CALCR: variants seen among roughly 807,000 people sequenced by gnomAD.
The protein encoded by CALCR is calcitonin receptor.
A neutral mutation model predicts 59.5 loss-of-function variants in CALCR; 47 were observed. The ratio of observed to expected loss-of-function variants is 0.79; its 90% CI spans 0.63 to 1.01. CALCR has a LOEUF of 1.01. CALCR is among the 50% of genes least tolerant of loss of function. The pLI, the probability that CALCR is intolerant of heterozygous loss-of-function variation, is 0.00. For missense variants in CALCR, 566 were observed against 597.1 expected (o/e 0.95, Z 0.54); for synonymous variants, 213 against 211.3 (o/e 1.01, Z -0.07).
intron 2 of CALCR, among the ~76,000 whole-genome samples, chr7:93,529,064 T>A (rs541544236): frequency 2.6e-4 from 39 of 152,340 alleles, no homozygotes; most frequent in African/African-American, 9.4e-4. Context: ...CATCTGGACA[T>A]ATGATAAATA....
At chr7:93,559,146 T>C (rs766985939) in intron 2 of CALCR, among the ~76,000 whole-genome samples, 26 of 152,204 alleles carry the variant, frequency 1.7e-4, no homozygotes, top group Non-Finnish European at 3.8e-4. Context: ...TTTGAGAAAA[T>C]ATGGTAAGAC....
intron 2 of CALCR, among the ~76,000 whole-genome samples, chr7:93,561,514 G>A (rs963285127): frequency 6.6e-6 from 1 of 151,834 alleles, no homozygotes; most frequent in East Asian, 1.9e-4. Flanking sequence ...GGGACATAGG[G>A]TTAAGAAATT....
chr7:93,496,016 G>T, intron 2 of CALCR: 1 of 1,100,194 alleles, frequency 9.1e-7, no homozygotes, highest in Non-Finnish European at 1.3e-6. Context: ...CAATGATAAT[G>T]ATTGAACAGA....
chr7:93,490,961 C>G (rs755083440), intron 2 of CALCR, among the ~76,000 whole-genome samples: 5 of 151,856 alleles, frequency 3.3e-5, no homozygotes, highest in African/African-American at 1.2e-4. Flanking sequence ...CAGTCCTAAG[C>G]AAAAAGAACA....
At chr7:93,502,055 C>A (rs1801330645) in intron 2 of CALCR, among the ~76,000 whole-genome samples, 1 of 152,018 alleles carries the variant, frequency 6.6e-6, no homozygotes, top group Non-Finnish European at 1.5e-5. Context: ...TCCTTCTTGG[C>A]TGATACACAA....
chr7:93,456,973 T>C (rs1250206362), intron 8 of CALCR, among the ~76,000 whole-genome samples: 2 of 152,114 alleles, frequency 1.3e-5, no homozygotes, highest in African/African-American at 2.4e-5. Context: ...ATGGGGTTTA[T>C]TAAAGGTTAC....
At chr7:93,481,163 T>A (rs951208228) in intron 3 of CALCR, among the ~76,000 whole-genome samples, 7 of 151,850 alleles carry the variant, frequency 4.6e-5, no homozygotes, top group Admixed American at 1.3e-4. Context: ...GTCAGGGACA[T>A]GAAAGGTTCA....
intron 2 of CALCR, among the ~76,000 whole-genome samples, chr7:93,506,581 G>A (rs545957717): frequency 5.9e-5 from 9 of 151,528 alleles, no homozygotes; most frequent in East Asian, 1.9e-4. Flanking sequence ...GTTATAACAC[G>A]CTACCAAATA....
intron 2 of CALCR, among the ~76,000 whole-genome samples, chr7:93,490,022 C>T (rs1801039082): frequency 6.6e-6 from 1 of 151,914 alleles, no homozygotes; most frequent in African/African-American, 2.4e-5. Flanking sequence ...AAAATACTGG[C>T]AAACTGAATC....
intron 2 of CALCR, among the ~76,000 whole-genome samples, chr7:93,491,582 A>C (rs1204192579): frequency 6.6e-6 from 1 of 152,124 alleles, no homozygotes; most frequent in African/African-American, 2.4e-5. Context: ...CAACCCCATC[A>C]AAAAGTGGGA....
chr7:93,448,189 C>G (rs761612709), intron 8 of CALCR, among the ~76,000 whole-genome samples: 24 of 149,908 alleles, frequency 1.6e-4, no homozygotes, highest in Non-Finnish European at 2.4e-4. Flanking sequence ...TCTTAGCTTT[C>G]ACACACACAC....
intron 6 of CALCR, among the ~76,000 whole-genome samples, chr7:93,469,532 T>C (rs1800510408): frequency 6.6e-6 from 1 of 151,734 alleles, no homozygotes; most frequent in African/African-American, 2.4e-5. Flanking sequence ...CTGTCTTCTC[T>C]GTCTCTCTGT....
Position 93,424,916 on chromosome 7 carries a change from C to T in CALCR, c.*1440G>A, listed in dbSNP as rs1338085832. The T allele has an allele frequency of 6.6e-6, 1 of 152,480 alleles. No homozygotes were observed. The highest frequency in any genetic ancestry group is 2.4e-5 in the African/African-American group (1 of 41,394). 9.4% of individuals were successfully genotyped at this position (152,480 alleles called of 1,614,324 possible). On this transcript the variant is annotated 3_prime_UTR_variant, in exon 14 of 14. Coordinates refer to ENST00000426151, the MANE Select transcript of CALCR (RefSeq NM_001742.4). ...TTCTCTGGGTGCGCTAAATATGTAA[C>T]CATAACAAATCAATTTATTATCTTT...
intron 2 of CALCR, among the ~76,000 whole-genome samples, chr7:93,502,118 T>C (rs139056785): frequency 6.6e-6 from 1 of 152,038 alleles, no homozygotes; most frequent in Non-Finnish European, 1.5e-5. Flanking sequence ...ACTCCTTTTT[T>C]GAAGAGGGGT....
intron 7 of CALCR, 97 bp from the exon 8 acceptor site, chr7:93,461,044 A>T (rs1170144715): frequency 1.9e-6 from 2 of 1,030,234 alleles, no homozygotes; most frequent in Middle Eastern, 2.1e-4. Flanking sequence ...TTTCTTTAAA[A>T]AAAAGATGAA....
chr7:93,540,396 T>TA (rs1217287999), intron 2 of CALCR, among the ~76,000 whole-genome samples: 1 of 152,156 alleles, frequency 6.6e-6, no homozygotes, highest in East Asian at 1.9e-4. Context: ...AAATATATGG[T>TA]ACCATGTAAT....
chr7:93,498,119 AATGAT>A (rs1240963864), intron 2 of CALCR, among the ~76,000 whole-genome samples: 1 of 151,706 alleles, frequency 6.6e-6, no homozygotes, highest in Non-Finnish European at 1.5e-5. Flanking sequence ...GAAACAAAAC[AATGAT>A]ATAAGATTTA....
intron 2 of CALCR, among the ~76,000 whole-genome samples, chr7:93,567,494 T>C (rs1239909251): frequency 6.6e-6 from 1 of 152,150 alleles, no homozygotes; most frequent in African/African-American, 2.4e-5. Context: ...AATTTGTGAT[T>C]CAAAAATTGC....
intron 3 of CALCR, chr7:93,483,953 G>A (rs774519762): frequency 1.4e-5 from 7 of 511,460 alleles, no homozygotes; most frequent in Admixed American, 2.0e-5. Flanking sequence ...TTTAGCTGCC[G>A]TATATGTGAT....
Sources: gnomAD v4.1 joint callset for allele counts (sites outside exome capture counted in the v4.1 genomes callset) on GRCh38, gnomAD v4.1.1 for gene constraint, MANE v1.5 for transcripts, NCBI Gene and HGNC (gene_info 2026-07-23, HGNC 2026-07-21) for gene names.